The following ARHGEF26 variants were observed in gnomAD, a reference collection of about 807,000 sequenced individuals.
The protein encoded by ARHGEF26 is Rho guanine nucleotide exchange factor 26, also known as Rho guanine nucleotide exchange factor (GEF) 26.
In ARHGEF26, 59 loss-of-function variants were observed where a neutral mutation model predicts 89.4. The observed-to-expected ratio is 0.66, with a 90% CI of 0.54 to 0.82. The LOEUF is 0.82. Ranked by LOEUF, ARHGEF26 falls within the 40% of genes least tolerant of loss-of-function variation. ARHGEF26 has a pLI of 0.00. For missense variants in ARHGEF26, 1,234 were observed against 1,085.6 expected, an observed-to-expected ratio of 1.14 and a Z score of -1.92; for synonymous variants, 500 against 428.4, an observed-to-expected ratio of 1.17 and a Z score of -2.06.
At chr3:154,248,311 G>A (rs1039784944) in intron 12 of ARHGEF26, among the ~76,000 whole-genome samples, 2 of 152,156 alleles carry the variant, frequency 1.3e-5, no homozygotes, top group African/African-American at 4.8e-5. Context: ...TCCTGATAAA[G>A]GGGCATTGTT....
chr3:154,251,489 G>A (rs565059767), intron 12 of ARHGEF26, among the ~76,000 whole-genome samples: 10 of 152,156 alleles, frequency 6.6e-5, no homozygotes, highest in Admixed American at 2.0e-4. Context: ...CCCCTGTTAC[G>A]TGTTGGGCAA....
intron 12 of ARHGEF26, among the ~76,000 whole-genome samples, chr3:154,242,768 C>T (rs774882218): frequency 6.6e-6 from 1 of 151,972 alleles, no homozygotes; most frequent in Non-Finnish European, 1.5e-5. Context: ...TCTTAAGAAA[C>T]GGCCACAGCC....
chr3:154,123,571 A>G (rs556488537), intron 2 of ARHGEF26, among the ~76,000 whole-genome samples: 73 of 152,338 alleles, frequency 4.8e-4, no homozygotes, highest in African/African-American at 1.7e-3. Flanking sequence ...GTTACTACGC[A>G]CTTGATGTCA....
intron 1 of ARHGEF26, 40 bp from the exon 2 acceptor site, chr3:154,121,902 T>C (rs909834762): frequency 5.4e-6 from 8 of 1,483,106 alleles, no homozygotes; most frequent in Non-Finnish European, 7.2e-6. Flanking sequence ...GCGTCCCCGG[T>C]TGTCCAGAGG....
chr3:154,253,092 A>G, intron 12 of ARHGEF26, 24 bp from the exon 13 acceptor site: 1 of 1,613,542 alleles, frequency 6.2e-7, no homozygotes, highest in African/African-American at 1.3e-5. Context: ...TGAGTCTCTC[A>G]GTTGGATCTG....
chr3:154,168,762 GT>G (rs1186413784), intron 6 of ARHGEF26, among the ~76,000 whole-genome samples: 1 of 151,520 alleles, frequency 6.6e-6, no homozygotes, highest in African/African-American at 2.4e-5. Context: ...AATAAAAATG[GT>G]TTCTTATTGT....
chr3:154,147,271 G>A (rs1197737293), intron 4 of ARHGEF26, among the ~76,000 whole-genome samples: 1 of 152,120 alleles, frequency 6.6e-6, no homozygotes. Context: ...CAGGCACTGT[G>A]GTGCACGCCT....
intron 4 of ARHGEF26, among the ~76,000 whole-genome samples, chr3:154,145,592 A>G (rs1719651546): frequency 6.6e-6 from 1 of 152,142 alleles, no homozygotes; most frequent in African/African-American, 2.4e-5. Context: ...GGTTCTTCCC[A>G]TCTGTTTTCC....
chr3:154,189,149 A>G (rs1428278834), intron 7 of ARHGEF26, among the ~76,000 whole-genome samples: 1 of 152,078 alleles, frequency 6.6e-6, no homozygotes, highest in Non-Finnish European at 1.5e-5. Flanking sequence ...TCTGAAAACA[A>G]AGCCTTGAAT....
chr3:154,248,893 A>T (rs1416604345), intron 12 of ARHGEF26, among the ~76,000 whole-genome samples: 1 of 152,072 alleles, frequency 6.6e-6, no homozygotes, highest in African/African-American at 2.4e-5. Flanking sequence ...TTTTCACGCT[A>T]TGGGGCTTTC....
At chr3:154,230,650 G>A (rs1269617887) in intron 11 of ARHGEF26, among the ~76,000 whole-genome samples, 1 of 152,178 alleles carries the variant, frequency 6.6e-6, no homozygotes, top group Non-Finnish European at 1.5e-5. Flanking sequence ...ATCTGGGGAA[G>A]AGTTTCCCTT....
At chr3:154,149,556 T>C (rs954157249) in intron 5 of ARHGEF26, 111 bp downstream of exon 5, 7 of 901,098 alleles carry the variant, frequency 7.8e-6, no homozygotes, top group Non-Finnish European at 1.1e-5. Flanking sequence ...CCTTTGAAAA[T>C]GTATTTGTTT....
chr3:154,173,230 G>A (rs560537988), intron 6 of ARHGEF26, among the ~76,000 whole-genome samples: 15 of 100,816 alleles, frequency 1.5e-4, no homozygotes, highest in African/African-American at 4.7e-4. Context: ...AGCCATCCAC[G>A]TAAAAATTCA....
chr3:154,242,341 A>G (rs1717522516), intron 12 of ARHGEF26, among the ~76,000 whole-genome samples: 2 of 152,240 alleles, frequency 1.3e-5, no homozygotes, highest in Non-Finnish European at 1.5e-5. Context: ...ATCAACATGA[A>G]CAGGAGTTGG....
intron 10 of ARHGEF26, 101 bp downstream of exon 10, chr3:154,218,059 A>G (rs1237078138): frequency 1.8e-6 from 2 of 1,105,090 alleles, no homozygotes; most frequent in East Asian, 2.6e-5. Context: ...TGCTTTTCAA[A>G]GAAGGGTCAT....
At chr3:154,173,499 G>A (rs923558963) in intron 6 of ARHGEF26, among the ~76,000 whole-genome samples, 1 of 152,174 alleles carries the variant, frequency 6.6e-6, no homozygotes, top group Non-Finnish European at 1.5e-5. Context: ...GCAAACTCCA[G>A]AGCCTTTATA....
chr3:154,245,808 C>T (rs1012882478), intron 12 of ARHGEF26, among the ~76,000 whole-genome samples: 1 of 152,202 alleles, frequency 6.6e-6, no homozygotes, highest in African/African-American at 2.4e-5. Context: ...TTTTGTCAGG[C>T]ACCTACTTCC....
At position 154,255,359 on chromosome 3, in the gene ARHGEF26, T is replaced by G. The variant is rs753558993; in HGVS notation, c.2502T>G (p.Asp834Glu). The G allele has an allele frequency of 6.2e-7, 1 of 1,612,772 alleles. No individual in the cohort carries two copies. The highest frequency in any genetic ancestry group is 1.3e-5 in the African/African-American group (1 of 74,508). Residue 834 changes from aspartate (D) to glutamate (E), a missense_variant, in exon 15 of 15, where the codon GAT (aspartate) becomes GAG (glutamate). By Grantham distance (45) the Asp-to-Glu change is conservative. Coordinates refer to ENST00000465093, the MANE Select transcript of ARHGEF26 (RefSeq NM_015595.4). ...GGTATGAGGGGGAACGACTACGAGA[T>G]GGAGAAAGAGGCTGGTTTCCTATGG... ...DGWYEGERLRDGERGWFPMEC... is the reference protein window; with the variant it reads ...DGWYEGERLREGERGWFPMEC...
At chr3:154,251,025 T>C (rs1718117302) in intron 12 of ARHGEF26, among the ~76,000 whole-genome samples, 1 of 152,054 alleles carries the variant, frequency 6.6e-6, no homozygotes, top group South Asian at 2.1e-4. Context: ...CTATATAAAT[T>C]GTGCATATTA....
Sources: gnomAD v4.1 joint callset for allele counts (sites outside exome capture counted in the v4.1 genomes callset) on GRCh38, gnomAD v4.1.1 for gene constraint, MANE v1.5 for transcripts, NCBI Gene and HGNC (gene_info 2026-07-23, HGNC 2026-07-21) for gene names.